Variants in FNDC3A observed in about 807,000 individuals in gnomAD.
FNDC3A encodes the protein fibronectin type III domain containing 3A, also known as fibronectin type-III domain-containing protein 3A.
In FNDC3A, 32 loss-of-function variants were observed where a neutral mutation model predicts 148.9. The ratio of observed to expected loss-of-function variants is 0.21; its 90% CI spans 0.16 to 0.29. The LOEUF is 0.29. FNDC3A is among the 10% of genes least tolerant of loss of function. The pLI is 1.00. For synonymous variants in FNDC3A, 472 were observed against 473.6 expected (o/e 1.00, Z 0.04); for missense variants, 1,191 against 1,452.8 (o/e 0.82, Z 2.93).
At chr13:49,105,612 T>C (rs982499227) in intron 3 of FNDC3A, among the ~76,000 whole-genome samples, 6 of 152,260 alleles carry the variant, frequency 3.9e-5, no homozygotes, top group Admixed American at 3.3e-4. Flanking sequence ...GGATGACTAA[T>C]AGACATTTCT....
chr13:49,116,271 T>C (rs1404491275), intron 4 of FNDC3A, among the ~76,000 whole-genome samples: 5 of 152,332 alleles, frequency 3.3e-5, no homozygotes, highest in Admixed American at 2.6e-4. Flanking sequence ...ATATTATTAA[T>C]ATATATATTC....
chr13:49,015,485 TAAG>T (rs1287761541), intron 2 of FNDC3A, among the ~76,000 whole-genome samples: 14 of 152,246 alleles, frequency 9.2e-5, no homozygotes, highest in Non-Finnish European at 1.8e-4. Flanking sequence ...CTTATCAGCT[TAAG>T]AAGATTTTGG....
chr13:49,036,610 C>T (rs1298351026), intron 2 of FNDC3A, among the ~76,000 whole-genome samples: 1 of 152,170 alleles, frequency 6.6e-6, no homozygotes, highest in Non-Finnish European at 1.5e-5. Context: ...CCACTCTAGT[C>T]TCTGTAACTG....
intron 2 of FNDC3A, among the ~76,000 whole-genome samples, chr13:49,037,336 T>C (rs540041480): frequency 6.6e-6 from 1 of 152,216 alleles, no homozygotes; most frequent in African/African-American, 2.4e-5. Flanking sequence ...CCTTTAACCA[T>C]GGGTTGGAGG....
At chr13:49,077,320 T>C (rs1033121435) in intron 3 of FNDC3A, among the ~76,000 whole-genome samples, 5 of 152,166 alleles carry the variant, frequency 3.3e-5, no homozygotes, top group Admixed American at 3.3e-4. Flanking sequence ...GGTGTCTGTA[T>C]ACTTTGTCAT....
intron 8 of FNDC3A, among the ~76,000 whole-genome samples, chr13:49,158,836 A>G (rs965476298): frequency 2.0e-5 from 3 of 152,172 alleles, no homozygotes; most frequent in African/African-American, 7.2e-5. Context: ...CTTTCTACAT[A>G]TGGCTAGCCA....
At chr13:49,167,332 A>G (rs1463453677) in intron 9 of FNDC3A, 29 bp downstream of exon 9, 1 of 1,358,444 alleles carries the variant, frequency 7.4e-7, no homozygotes, top group South Asian at 1.3e-5. Context: ...TTGCCTTTAT[A>G]AGATACAGCA....
intron 2 of FNDC3A, among the ~76,000 whole-genome samples, chr13:49,014,626 G>T (rs1365975383): frequency 1.3e-5 from 2 of 150,994 alleles, no homozygotes; most frequent in Non-Finnish European, 3.0e-5. Context: ...CTCAATTTTG[G>T]CTTTTGTTGC....
At chr13:49,003,645 C>A (rs543478363) in intron 1 of FNDC3A, among the ~76,000 whole-genome samples, 2 of 152,116 alleles carry the variant, frequency 1.3e-5, no homozygotes, top group South Asian at 4.1e-4. Flanking sequence ...AGATATTCTT[C>A]TGCATTATCT....
chr13:49,190,048 G>T (rs532092343), intron 17 of FNDC3A, among the ~76,000 whole-genome samples: 1 of 151,934 alleles, frequency 6.6e-6, no homozygotes, highest in Non-Finnish European at 1.5e-5. Context: ...CACCATGCCC[G>T]GCTACTTTTT....
intron 16 of FNDC3A, chr13:49,187,702 A>C: frequency 6.8e-7 from 1 of 1,480,256 alleles, no homozygotes; most frequent in Non-Finnish European, 9.4e-7. Context: ...AAAGGCACAG[A>C]AACCGAGGAC....
intron 8 of FNDC3A, 149 bp downstream of exon 8, chr13:49,146,084 G>A (rs887209671): frequency 4.1e-5 from 24 of 584,022 alleles, no homozygotes; most frequent in African/African-American, 3.1e-4. Flanking sequence ...AATGTAAATG[G>A]TCCAAATGTA....
At chr13:49,128,220 C>T (rs1317893443) in intron 4 of FNDC3A, among the ~76,000 whole-genome samples, 1 of 152,166 alleles carries the variant, frequency 6.6e-6, no homozygotes, top group Non-Finnish European at 1.5e-5. Flanking sequence ...CACTTCTCAC[C>T]ATCTCCACTG....
At chr13:49,088,790 C>G (rs1467699642) in intron 3 of FNDC3A, among the ~76,000 whole-genome samples, 5 of 151,856 alleles carry the variant, frequency 3.3e-5, no homozygotes, top group Non-Finnish European at 7.4e-5. Flanking sequence ...GTCTTGAACT[C>G]GTAGCCTCAA....
chr13:49,035,892 A>C (rs1391532467), intron 2 of FNDC3A, among the ~76,000 whole-genome samples: 1 of 152,094 alleles, frequency 6.6e-6, no homozygotes, highest in African/African-American at 2.4e-5. Context: ...TCCAAATTCA[A>C]ATTCGTTAGT....
intron 3 of FNDC3A, among the ~76,000 whole-genome samples, chr13:49,094,594 G>A (rs183053026): frequency 6.6e-6 from 1 of 152,192 alleles, no homozygotes; most frequent in East Asian, 1.9e-4. Context: ...CACTGGAGAT[G>A]TAGTGATAAG....
At chr13:49,053,411 G>T (rs1265865408) in intron 2 of FNDC3A, among the ~76,000 whole-genome samples, 1 of 152,170 alleles carries the variant, frequency 6.6e-6, no homozygotes, top group Non-Finnish European at 1.5e-5. Flanking sequence ...TTTCATTAGG[G>T]TTACAGATCA....
chr13:49,120,581 G>A (rs1015456980), intron 4 of FNDC3A, among the ~76,000 whole-genome samples: 2 of 151,834 alleles, frequency 1.3e-5, no homozygotes, highest in African/African-American at 4.8e-5. Context: ...TTGGTGTGCT[G>A]TATTCAGGAG....
intron 3 of FNDC3A, among the ~76,000 whole-genome samples, chr13:49,086,285 C>T (rs1328135703): frequency 2.0e-5 from 3 of 152,100 alleles, no homozygotes; most frequent in Non-Finnish European, 4.4e-5. Flanking sequence ...ATTGTTCATG[C>T]CTTTTAAGGT....
Sources: allele counts gnomAD v4.1 joint callset (sites outside exome capture counted in the v4.1 genomes callset), GRCh38; gene constraint gnomAD v4.1.1; transcripts MANE v1.5; gene names NCBI Gene and HGNC (gene_info 2026-07-23, HGNC 2026-07-21).